The following KAZN variants were observed in gnomAD, a reference collection of about 807,000 sequenced individuals.
The protein encoded by KAZN is kazrin, periplakin interacting protein, also known as kazrin.
Under a neutral mutation model 87.4 loss-of-function variants are expected in KAZN, and 40 were observed. The observed-to-expected ratio is 0.46, with a 90% CI of 0.36 to 0.60. The LOEUF (loss-of-function observed/expected upper bound fraction) is 0.60. Among genes scored for constraint, KAZN ranks in the 20% least tolerant of loss-of-function variants. The probability of loss-of-function intolerance (pLI) is 0.00; values close to 1 mark genes in which losing one functional copy is unlikely to be tolerated. For missense variants in KAZN, 898 were observed against 1,073.9 expected (o/e 0.84, Z 2.29); for synonymous variants, 466 against 458.3 (o/e 1.02, Z -0.22).
intron 2 of KAZN, among the ~76,000 whole-genome samples, chr1:14,239,270 T>G (rs185831526): frequency 2.1e-4 from 32 of 152,186 alleles, no homozygotes; most frequent in Middle Eastern, 3.4e-3. Flanking sequence ...ATCATTCTTG[T>G]TTTTCTGTTA....
chr1:14,692,089 G>T, intron 1 of KAZN: 1 of 301,048 alleles, frequency 3.3e-6, no homozygotes, highest in Non-Finnish European at 6.5e-6. Flanking sequence ...ATGGGCCCCA[G>T]GATTTAATGC....
At chr1:13,960,553 C>T (rs1196044828) in intron 1 of KAZN, among the ~76,000 whole-genome samples, 1 of 152,176 alleles carries the variant, frequency 6.6e-6, no homozygotes, top group African/African-American at 2.4e-5. Flanking sequence ...TCTTGGAACG[C>T]TACGTGCAGC....
At chr1:14,257,943 TA>T (rs529361900) in intron 2 of KAZN, among the ~76,000 whole-genome samples, 817 of 45,520 alleles carry the variant, frequency 0.018, 12 homozygotes, top group African/African-American at 0.034. Flanking sequence ...TAGAGTATAA[TA>T]AAAAAAAAAA....
intron 2 of KAZN, among the ~76,000 whole-genome samples, chr1:14,231,143 A>G (rs1333520459): frequency 6.6e-6 from 1 of 152,196 alleles, no homozygotes; most frequent in Admixed American, 6.5e-5. Flanking sequence ...CATAAGGTTT[A>G]TTATTAGTTT....
chr1:14,523,098 G>C (rs113905301), intron 2 of KAZN, among the ~76,000 whole-genome samples: 1 of 152,152 alleles, frequency 6.6e-6, no homozygotes, highest in Non-Finnish European at 1.5e-5. Flanking sequence ...TTGAGGCTGC[G>C]GCTTCCACAC....
chr1:14,581,929 C>T (rs1675578664), intron 2 of KAZN, among the ~76,000 whole-genome samples: 1 of 152,072 alleles, frequency 6.6e-6, no homozygotes, highest in Non-Finnish European at 1.5e-5. Context: ...GTTCCTGTTC[C>T]CCTCTCTTTC....
chr1:14,524,539 A>AT (rs891973061), intron 2 of KAZN, among the ~76,000 whole-genome samples: 9 of 152,132 alleles, frequency 5.9e-5, no homozygotes, highest in African/African-American at 2.2e-4. Flanking sequence ...ACGCTAATTG[A>AT]TTTTTTAAAA....
chr1:14,702,410 A>G (rs1478967807), intron 1 of KAZN, among the ~76,000 whole-genome samples: 1 of 148,266 alleles, frequency 6.7e-6, no homozygotes, highest in Non-Finnish European at 1.5e-5. Flanking sequence ...CATGTCCTCA[A>G]AGAGGTTTTA....
intron 1 of KAZN, among the ~76,000 whole-genome samples, chr1:14,080,024 C>A (rs557171863): frequency 6.7e-4 from 99 of 148,334 alleles, no homozygotes; most frequent in African/African-American, 2.4e-3. Flanking sequence ...AAAGGCCCCA[C>A]TTTCTAATAT....
chr1:15,104,101 A>G lies in KAZN; in HGVS notation c.1960A>G (p.Met654Val), dbSNP rs1641208693. The change falls in exon 13 of 15, where the codon ATG (methionine) becomes GTG (valine). Residue 654 changes from methionine (M) to valine (V), a missense_variant. Transcript: ENST00000376030. ...GGAGCCCACATTCAATGCCGAGGCC[A>G]TGGCCACTGCCCTGGGCATCCCCAG... ...VLEPTFNAEA[M>V]ATALGIPSGK... The G allele has an allele frequency of 6.2e-7, 1 of 1,612,558 alleles. No homozygotes were observed.
rs549092023 is a variant in KAZN, at chr1:14,251,643, C to CTTTTTTTTTTTTTT, written c.249+71063_249+71076dup. On this transcript the variant is annotated intron_variant, in intron 2 of 16. Transcript: ENST00000636203. ...AGGCACAGTGAAAAGTTCTCCCGGA[C>CTTTTTTTTTTTTTT]TTTTTTTTTTTTTTTTTTTTTTTTT... 5.3e-4 allele frequency among the ~76,000 whole-genome samples: 48 copies of CTTTTTTTTTTTTTT among 90,342 alleles called. 3 individuals carry two copies. Among genetic ancestry groups the CTTTTTTTTTTTTTT allele is most frequent in the East Asian group, 2.8e-3 (6 of 2,150 alleles). The allele number at this position is 90,342 out of a possible 152,430, so 59.3% of individuals were successfully genotyped here.
chr1:14,060,171 A>G (rs559563718), intron 1 of KAZN, among the ~76,000 whole-genome samples: 13 of 152,020 alleles, frequency 8.6e-5, no homozygotes, highest in East Asian at 5.8e-4. Context: ...AGACCATCCT[A>G]GCTAACACAG....
chr1:14,662,450 TA>T (rs1384514185), intron 1 of KAZN, among the ~76,000 whole-genome samples: 2 of 152,136 alleles, frequency 1.3e-5, no homozygotes, highest in African/African-American at 4.8e-5. Flanking sequence ...TCTTCGGGAC[TA>T]AACAGGAGGC....
intron 1 of KAZN, among the ~76,000 whole-genome samples, chr1:13,909,635 C>T (rs1639577216): frequency 6.6e-6 from 1 of 152,072 alleles, no homozygotes; most frequent in South Asian, 2.1e-4. Flanking sequence ...TATTAATAAG[C>T]TTGGTCTTAT....
chr1:14,693,477 C>T (rs1490682462), intron 1 of KAZN, among the ~76,000 whole-genome samples: 1 of 152,226 alleles, frequency 6.6e-6, no homozygotes, highest in Non-Finnish European at 1.5e-5. Flanking sequence ...TCATGCTGGA[C>T]TCGTCTTACG....
rs529688925 is a variant in KAZN, at chr1:14,684,483, G to A, written c.226+85260G>A. Among the ~76,000 whole-genome samples, 7 of 152,330 alleles carry A rather than the reference G, an allele frequency of 4.6e-5. No homozygotes were observed. The South Asian group carries it at 1.5e-3, about 32-fold the overall frequency. On this transcript the variant is annotated intron_variant, in intron 1 of 14. Transcript: ENST00000376030. ...TGGCTGCTGTGGCACATCACCACAA[G>A]CCAGGTGGCTTGAAACAACACAAAT...
chr1:13,969,974 T>C lies in KAZN; in HGVS notation c.91+76218T>C, dbSNP rs1474112434. On this transcript the variant is annotated intron_variant, in intron 1 of 16. Coordinates refer to the KAZN transcript ENST00000636203. Reference sequence around the variant, plus strand: ...CCAAAGCTGAGAGTAGTTAAGTAGTTTGCTAAAGGCACAGGCCTGGTGAAT... The same window carrying C: ...CCAAAGCTGAGAGTAGTTAAGTAGTCTGCTAAAGGCACAGGCCTGGTGAAT... Among the ~76,000 whole-genome samples, 3 of 152,210 alleles carry C rather than the reference T, an allele frequency of 2.0e-5. No homozygotes were observed. The East Asian group carries it at 5.8e-4, about 29-fold the overall frequency.
At chr1:14,299,113 A>G (rs1372716433) in intron 2 of KAZN, among the ~76,000 whole-genome samples, 1 of 152,216 alleles carries the variant, frequency 6.6e-6, no homozygotes, top group East Asian at 1.9e-4. Context: ...CACCATCCTC[A>G]GTTCTGGGAT....
intron 2 of KAZN, among the ~76,000 whole-genome samples, chr1:14,187,459 C>A (rs1262231069): frequency 3.9e-5 from 6 of 152,154 alleles, no homozygotes; most frequent in Admixed American, 3.9e-4. Flanking sequence ...CCTCACATAT[C>A]TCATTTTCTT....
Sources: gnomAD v4.1 joint callset for allele counts (sites outside exome capture counted in the v4.1 genomes callset) on GRCh38, gnomAD v4.1.1 for gene constraint, MANE v1.5 for transcripts, NCBI Gene and HGNC (gene_info 2026-07-23, HGNC 2026-07-21) for gene names.